The following PTPRG variants were observed in gnomAD, a reference collection of about 807,000 sequenced individuals.
PTPRG encodes the protein receptor-type tyrosine-protein phosphatase gamma.
A neutral mutation model predicts 165.3 loss-of-function variants in PTPRG; 102 were observed. That is an observed-to-expected ratio of 0.62 (90% CI 0.53 to 0.73). The LOEUF is 0.73. Ranked by LOEUF, PTPRG falls within the 30% of genes least tolerant of loss-of-function variation. PTPRG has a pLI of 0.00. For synonymous variants in PTPRG, 675 were observed against 669.5 expected, an observed-to-expected ratio of 1.01 and a Z score of -0.13; for missense variants, 1,866 against 1,861.4, an observed-to-expected ratio of 1.00 and a Z score of -0.05.
intron 2 of PTPRG, among the ~76,000 whole-genome samples, chr3:61,959,006 C>T (rs866725055): frequency 3.3e-5 from 5 of 152,174 alleles, no homozygotes; most frequent in African/African-American, 4.8e-5. Context: ...ACTCCTGTGC[C>T]GCACTCACTA....
chr3:61,924,882 G>A (rs1425841318), intron 2 of PTPRG, among the ~76,000 whole-genome samples: 1 of 152,146 alleles, frequency 6.6e-6, no homozygotes, highest in Non-Finnish European at 1.5e-5. Context: ...ATTTGGAGGT[G>A]GGGCATTTGG....
intron 1 of PTPRG, among the ~76,000 whole-genome samples, chr3:61,565,483 A>T (rs1424719645): frequency 2.0e-5 from 3 of 152,086 alleles, no homozygotes; most frequent in Admixed American, 6.6e-5. Context: ...CAAATCCTAC[A>T]CATAGTTCAT....
chr3:62,147,486 A>C (rs1174986732), intron 6 of PTPRG, among the ~76,000 whole-genome samples: 1 of 152,158 alleles, frequency 6.6e-6, no homozygotes, highest in Admixed American at 6.5e-5. Flanking sequence ...TGCGACTCTC[A>C]TGTCTTCATA....
At chr3:61,869,116 C>T (rs2037490569) in intron 2 of PTPRG, among the ~76,000 whole-genome samples, 1 of 152,142 alleles carries the variant, frequency 6.6e-6, no homozygotes, top group Admixed American at 6.5e-5. Flanking sequence ...GCTATTGGTC[C>T]AGCTTTACCA....
intron 1 of PTPRG, among the ~76,000 whole-genome samples, chr3:61,721,109 A>G (rs2032026383): frequency 1.3e-5 from 2 of 152,112 alleles, no homozygotes; most frequent in African/African-American, 4.8e-5. Flanking sequence ...TTTGCACCAA[A>G]TTTTACCCTT....
chr3:61,638,341 A>C (rs1701972463), intron 1 of PTPRG, among the ~76,000 whole-genome samples: 1 of 151,634 alleles, frequency 6.6e-6, no homozygotes. Flanking sequence ...CTCTCCATTT[A>C]AGTAATGTGT....
intron 4 of PTPRG, among the ~76,000 whole-genome samples, chr3:62,005,329 A>C (rs944987107): frequency 2.0e-5 from 3 of 152,174 alleles, no homozygotes; most frequent in African/African-American, 7.2e-5. Context: ...CACTTGGAAA[A>C]CTTTATTCCT....
intron 1 of PTPRG, among the ~76,000 whole-genome samples, chr3:61,661,157 C>G (rs1575571709): frequency 6.6e-6 from 1 of 151,932 alleles, no homozygotes; most frequent in African/African-American, 2.4e-5. Flanking sequence ...ACTGCAGCCT[C>G]AAACTCCTGG....
chr3:62,293,315 C>T lies in PTPRG; in HGVS notation c.*8C>T. The T allele has an allele frequency of 6.5e-7, 1 of 1,540,978 alleles. No individual in the cohort carries two copies. The highest frequency in any genetic ancestry group is 8.7e-7 in the Non-Finnish European group (1 of 1,149,988). ...ATGGAGTCCCTAGTGTGACTGGAATCCTGAAAGGGCACTTAATTTGTAAAC... is the reference window on the plus strand; with the variant it reads ...ATGGAGTCCCTAGTGTGACTGGAATTCTGAAAGGGCACTTAATTTGTAAAC... On this transcript the variant is annotated 3_prime_UTR_variant, in exon 30 of 30. Transcript: ENST00000474889.
intron 2 of PTPRG, among the ~76,000 whole-genome samples, chr3:61,767,971 C>G (rs1160299829): frequency 9.6e-6 from 1 of 104,186 alleles, no homozygotes; most frequent in Non-Finnish European, 1.9e-5. Context: ...GACCCTGTCT[C>G]AAAAAAAAAA....
At chr3:62,153,602 C>T (rs1372617971) in intron 6 of PTPRG, among the ~76,000 whole-genome samples, 2 of 151,930 alleles carry the variant, frequency 1.3e-5, no homozygotes, top group African/African-American at 2.4e-5. Flanking sequence ...AAAGAAAGTA[C>T]ATGACAGAAC....
At chr3:61,669,981 A>G (rs1304797431) in intron 1 of PTPRG, among the ~76,000 whole-genome samples, 1 of 152,126 alleles carries the variant, frequency 6.6e-6, no homozygotes, top group Non-Finnish European at 1.5e-5. Context: ...GCAGAACTAG[A>G]CTTCTGTCCC....
At chr3:61,615,463 T>C (rs1034880462) in intron 1 of PTPRG, among the ~76,000 whole-genome samples, 1 of 152,236 alleles carries the variant, frequency 6.6e-6, no homozygotes, top group Non-Finnish European at 1.5e-5. Context: ...TCTGGGCCTT[T>C]CAATCCTATC....
At chr3:62,116,105 A>G (rs1195977455) in intron 5 of PTPRG, among the ~76,000 whole-genome samples, 1 of 152,142 alleles carries the variant, frequency 6.6e-6, no homozygotes, top group African/African-American at 2.4e-5. Context: ...CAAGGAGGTT[A>G]AGTTACTTGC....
At chr3:62,211,776 G>A (rs1576140402) in intron 12 of PTPRG, among the ~76,000 whole-genome samples, 1 of 152,216 alleles carries the variant, frequency 6.6e-6, no homozygotes, top group East Asian at 1.9e-4. Context: ...CAGAAGTTGA[G>A]CCCTTCCTGG....
chr3:61,795,834 C>T (rs1713533), intron 2 of PTPRG, among the ~76,000 whole-genome samples: 71,822 of 151,470 alleles, frequency 0.47, 17,637 homozygotes, highest in Middle Eastern at 0.66. Context: ...ACCCCCATTA[C>T]AAAGTGGCCT....
chr3:62,112,101 T>C lies in PTPRG; in HGVS notation c.616-20501T>C, dbSNP rs557263614. Reference sequence around the variant, plus strand: ...AAGCCCAGTCACTACCACTTTCTTTTTTTCTTCTTTTTTTTTTGAAATGGA... The same window carrying C: ...AAGCCCAGTCACTACCACTTTCTTTCTTTCTTCTTTTTTTTTTGAAATGGA... On this transcript the variant is annotated intron_variant, in intron 5 of 29. Coordinates refer to ENST00000474889, the MANE Select transcript of PTPRG (RefSeq NM_002841.4). Among the ~76,000 whole-genome samples, 4 of 149,916 alleles carry C rather than the reference T, an allele frequency of 2.7e-5. No individual in the cohort carries two copies. The South Asian group carries it at 8.6e-4, about 32-fold the overall frequency.
intron 4 of PTPRG, among the ~76,000 whole-genome samples, chr3:62,044,873 G>A (rs1435178376): frequency 1.3e-5 from 2 of 152,026 alleles, no homozygotes; most frequent in African/African-American, 4.8e-5. Context: ...AATACTTGAT[G>A]GATTTTATTA....
chr3:61,847,461 C>A (rs1226811463), intron 2 of PTPRG, among the ~76,000 whole-genome samples: 1 of 152,134 alleles, frequency 6.6e-6, no homozygotes, highest in East Asian at 1.9e-4. Context: ...TTGTTTTAGG[C>A]ACCCAGTTTG....
Sources: allele counts gnomAD v4.1 joint callset (sites outside exome capture counted in the v4.1 genomes callset), GRCh38; gene constraint gnomAD v4.1.1; transcripts MANE v1.5; gene names NCBI Gene and HGNC (gene_info 2026-07-23, HGNC 2026-07-21).